The following ABCC5 variants were observed in gnomAD, a reference collection of about 807,000 sequenced individuals.
ABCC5 encodes ATP binding cassette subfamily C member 5, also known as ATP-binding cassette sub-family C member 5.
A neutral mutation model predicts 160.9 loss-of-function variants in ABCC5; 61 were observed. The ratio of observed to expected loss-of-function variants is 0.38; its 90% CI spans 0.31 to 0.47. ABCC5 has a LOEUF of 0.47. Among genes scored for constraint, ABCC5 ranks in the 20% least tolerant of loss-of-function variants. The probability of loss-of-function intolerance (pLI) is 0.99; values close to 1 mark genes in which losing one functional copy is unlikely to be tolerated. For synonymous variants in ABCC5, 666 were observed against 700.6 expected, an observed-to-expected ratio of 0.95 and a Z score of 0.78; for missense variants, 1,308 against 1,813.3, an observed-to-expected ratio of 0.72 and a Z score of 5.06.
chr3:183,994,853 A>ATTT (rs1560044479), intron 2 of ABCC5, among the ~76,000 whole-genome samples: 3 of 122,846 alleles, frequency 2.4e-5, no homozygotes, highest in African/African-American at 3.1e-5. Context: ...CCCATTTTCT[A>ATTT]TGTTTTTTTT....
chr3:183,956,818 A>G (rs531001336), intron 17 of ABCC5, among the ~76,000 whole-genome samples: 716 of 46,434 alleles, frequency 0.015, 163 homozygotes, highest in Admixed American at 0.08. Flanking sequence ...TGTTACATGC[A>G]GATCCGTGTG....
chr3:184,013,455 T>C (rs746752585), intron 2 of ABCC5, among the ~76,000 whole-genome samples: 14 of 152,098 alleles, frequency 9.2e-5, no homozygotes, highest in Non-Finnish European at 1.5e-4. Context: ...GGTTTCACCG[T>C]GTTGGCCAGG....
chr3:183,941,579 T>C (rs988240316), intron 25 of ABCC5, among the ~76,000 whole-genome samples: 11 of 151,460 alleles, frequency 7.3e-5, no homozygotes, highest in Non-Finnish European at 4.4e-5. Context: ...CAAAGAAGCA[T>C]GGAGCCTAGA....
chr3:184,015,269 G>T (rs984580307), intron 1 of ABCC5, among the ~76,000 whole-genome samples: 1 of 152,114 alleles, frequency 6.6e-6, no homozygotes, highest in African/African-American at 2.4e-5. Flanking sequence ...GCCTGGCTAA[G>T]TCTAATCAAT....
intron 29 of ABCC5, among the ~76,000 whole-genome samples, chr3:183,922,514 C>T (rs1712104723): frequency 6.6e-6 from 1 of 152,216 alleles, no homozygotes; most frequent in Admixed American, 6.5e-5. Context: ...AATGGAAGAG[C>T]TCAGAATGTC....
intron 2 of ABCC5, among the ~76,000 whole-genome samples, chr3:183,999,203 A>G (rs559192168): frequency 7.2e-5 from 11 of 152,102 alleles, no homozygotes; most frequent in Non-Finnish European, 1.6e-4. Context: ...TTGGATGTCT[A>G]ACTTCTCTTC....
intron 2 of ABCC5, among the ~76,000 whole-genome samples, chr3:183,998,765 C>A (rs1455407921): frequency 2.0e-5 from 3 of 152,138 alleles, no homozygotes; most frequent in African/African-American, 4.8e-5. Flanking sequence ...GCTCTTCTCT[C>A]TTCCCCAGGG....
At chr3:183,937,579 C>T (rs1713860663) in intron 26 of ABCC5, among the ~76,000 whole-genome samples, 1 of 152,122 alleles carries the variant, frequency 6.6e-6, no homozygotes, top group African/African-American at 2.4e-5. Context: ...TTAAAGCATC[C>T]CCATCTTATG....
At chr3:183,977,841 C>T (rs964419900) in intron 9 of ABCC5, among the ~76,000 whole-genome samples, 2 of 152,144 alleles carry the variant, frequency 1.3e-5, no homozygotes, top group African/African-American at 2.4e-5. Context: ...CAACTTCCAC[C>T]TCCCAGGTTC....
At chr3:183,973,346 T>C (rs1232862604) in intron 10 of ABCC5, among the ~76,000 whole-genome samples, 1 of 152,064 alleles carries the variant, frequency 6.6e-6, no homozygotes, top group Admixed American at 6.6e-5. Context: ...AGCCACCTTC[T>C]AACAATCCTC....
intron 17 of ABCC5, 99 bp from the exon 18 acceptor site, chr3:183,953,369 C>A: frequency 9.5e-7 from 1 of 1,057,000 alleles, no homozygotes; most frequent in Non-Finnish European, 1.3e-6. Flanking sequence ...CCGGCAGCTT[C>A]ACAGGGGTCT....
rs2108945874 is a variant in ABCC5 at position 184,017,668 on chromosome 3, A to G, written c.-56+162T>C. On this transcript the variant is annotated intron_variant, in intron 1 of 29. Coordinates refer to ENST00000334444, the MANE Select transcript of ABCC5 (RefSeq NM_005688.4). The surrounding 1 kb of genome is among the most constrained non-coding windows in gnomAD (Gnocchi z 4.5). ...GCTCACAGGCCTAGGAGGCGGCGGC[A>G]GGAGACCAGGGGGAGGCCATACGCC... Among the ~76,000 whole-genome samples the G allele has an allele frequency of 6.6e-6, 1 of 152,256 alleles. No homozygotes were observed. The highest frequency in any genetic ancestry group is 1.9e-4 in the East Asian group (1 of 5,162).
chr3:184,002,871 G>C (rs961262149), intron 2 of ABCC5, among the ~76,000 whole-genome samples: 1 of 152,198 alleles, frequency 6.6e-6, no homozygotes, highest in Non-Finnish European at 1.5e-5. Flanking sequence ...AGAGACTGCA[G>C]GTGTCAACTG....
At chr3:183,943,652 C>G (rs1038413044) in intron 24 of ABCC5, among the ~76,000 whole-genome samples, 1 of 152,134 alleles carries the variant, frequency 6.6e-6, no homozygotes, top group Non-Finnish European at 1.5e-5. Flanking sequence ...GGGCCAAAGA[C>G]TGTAGCACTC....
rs751038876 is a variant in ABCC5, at chr3:183,949,859, G to A, written c.3121C>T (p.Arg1041Cys). The A allele has an allele frequency of 9.9e-6, 16 of 1,614,066 alleles. No homozygotes were observed. Among genetic ancestry groups the A allele is most frequent in the African/African-American group, 6.7e-5 (5 of 74,910 alleles). The change falls in exon 22 of 30, where the codon CGT (arginine) becomes TGT (cysteine). Residue 1041 changes from arginine (R) to cysteine (C), a missense_variant. Coordinates refer to ENST00000334444, the MANE Select transcript of ABCC5 (RefSeq NM_005688.4). The surrounding 1 kb of genome is among the most constrained non-coding windows in gnomAD (Gnocchi z 4.2). ...GGTGACTGCGTGATATTGTCCAGACGCTTCAGCTCCCGAATCAGGACCCTG... is the reference window on the plus strand; with the variant it reads ...GGTGACTGCGTGATATTGTCCAGACACTTCAGCTCCCGAATCAGGACCCTG... Reference protein sequence around the residue: ...VSRVLIRELKRLDNITQSPFL... With the variant: ...VSRVLIRELKCLDNITQSPFL...
rs1176282741 is a variant in ABCC5 at position 183,955,927 on chromosome 3, C to T, written c.2483-2657G>A. Reference sequence around the variant, plus strand: ...ATATCACATCAGTTATATGCAGCTCCGTCTGTTTATCACATCGGTTACAGG... The same window carrying T: ...ATATCACATCAGTTATATGCAGCTCTGTCTGTTTATCACATCGGTTACAGG... On this transcript the variant is annotated intron_variant, in intron 17 of 29. Transcript: ENST00000334444. Among the ~76,000 whole-genome samples, 5 of 139,794 alleles carry T rather than the reference C, an allele frequency of 3.6e-5. 2 individuals are homozygous for T. The highest frequency in any genetic ancestry group is 2.2e-4 in the Admixed American group (3 of 13,422). The allele number at this position is 139,794 out of a possible 152,430, so 91.7% of individuals were successfully genotyped here.
At chr3:183,948,935 C>A (rs2108793072) in intron 22 of ABCC5, among the ~76,000 whole-genome samples, 1 of 152,284 alleles carries the variant, frequency 6.6e-6, no homozygotes, top group African/African-American at 2.4e-5. Flanking sequence ...AACTCCTGAC[C>A]TCAGGCGATC....
In ABCC5 at chr3:183,963,179, T is replaced by A. The variant is rs1363545339; in HGVS notation, c.2235+206A>T. ...TTGCTGATCTATATGCAGAAGCTGATATGCTCCAAGGATCTCTGATTTAGA... is the reference window on the plus strand; with the variant it reads ...TTGCTGATCTATATGCAGAAGCTGAAATGCTCCAAGGATCTCTGATTTAGA... On this transcript the variant is annotated intron_variant, in intron 15 of 29. Transcript: ENST00000334444. The surrounding 1 kb of genome is among the most constrained non-coding windows in gnomAD (Gnocchi z 4.6). Among the ~76,000 whole-genome samples, 4 of 152,236 alleles carry A rather than the reference T, an allele frequency of 2.6e-5. No individual in the cohort carries two copies. The highest frequency in any genetic ancestry group is 4.4e-5 in the Non-Finnish European group (3 of 68,038).
In ABCC5 at chr3:183,971,901, C is replaced by T. The variant is rs1717786470; in HGVS notation, c.1423G>A (p.Glu475Lys). 6.2e-7 allele frequency: 1 copy of T among 1,613,984 alleles called. No individual in the cohort carries two copies. Among genetic ancestry groups the T allele is most frequent in the Admixed American group, 1.7e-5 (1 of 60,002 alleles). Residue 475 changes from glutamate (E) to lysine (K), a missense_variant, in exon 11 of 30, where the codon GAG becomes AAG. Transcript: ENST00000334444. ...GGTTTGTTCTTTATCATGTGAACCTCTTCCATTAGAAACAAACTCTGATAG... is the reference window on the plus strand; with the variant it reads ...GGTTTGTTCTTTATCATGTGAACCTTTTCCATTAGAAACAAACTCTGATAG... ...DRFKSLFLMEEVHMIKNKPAS... is the reference protein window; with the variant it reads ...DRFKSLFLMEKVHMIKNKPAS...
Sources: gnomAD v4.1 joint callset for allele counts (sites outside exome capture counted in the v4.1 genomes callset) on GRCh38, gnomAD v4.1.1 for gene constraint, Gnocchi (gnomAD v3.1) non-coding constraint, MANE v1.5 for transcripts, NCBI Gene and HGNC (gene_info 2026-07-23, HGNC 2026-07-21) for gene names.